The following OSBPL6 variants were observed in gnomAD, a reference collection of about 807,000 sequenced individuals.
OSBPL6 encodes the protein oxysterol binding protein like 6.
Under a neutral mutation model 125.8 loss-of-function variants are expected in OSBPL6, and 49 were observed. The ratio of observed to expected loss-of-function variants is 0.39; its 90% confidence interval spans 0.31 to 0.49. The LOEUF is 0.49. Ranked by LOEUF, OSBPL6 falls within the 20% of genes least tolerant of loss-of-function variation. The pLI, the probability that OSBPL6 is intolerant of heterozygous loss-of-function variation, is 0.88. For synonymous variants in OSBPL6, 394 were observed against 391.8 expected, an observed-to-expected ratio of 1.01 and a Z score of -0.07; for missense variants, 986 against 1,135.4, an observed-to-expected ratio of 0.87 and a Z score of 1.89.
At chr2:178,305,727 C>A (rs777439509) in intron 2 of OSBPL6, among the ~76,000 whole-genome samples, 6 of 152,056 alleles carry the variant, frequency 3.9e-5, no homozygotes, top group Non-Finnish European at 7.4e-5. Context: ...GAGAATCTGG[C>A]GTCTTTAGCA....
chr2:178,383,590 C>T (rs1249185079), intron 17 of OSBPL6, among the ~76,000 whole-genome samples: 1 of 152,164 alleles, frequency 6.6e-6, no homozygotes, highest in Non-Finnish European at 1.5e-5. Flanking sequence ...TCAGGATAGC[C>T]CATCTGTTCA....
chr2:178,290,535 GTGA>G (rs1685161686), intron 2 of OSBPL6, among the ~76,000 whole-genome samples: 1 of 148,062 alleles, frequency 6.8e-6, no homozygotes. Context: ...CCTATCATAT[GTGA>G]ATCACAGTGA....
At chr2:178,224,561 A>C (rs1009712458) in intron 1 of OSBPL6, among the ~76,000 whole-genome samples, 1 of 152,198 alleles carries the variant, frequency 6.6e-6, no homozygotes. Flanking sequence ...TCAGAATGAC[A>C]CCATTCAGAA....
chr2:178,332,546 G>A, intron 6 of OSBPL6, 95 bp from the exon 7 acceptor site: 2 of 872,162 alleles, frequency 2.3e-6, no homozygotes, highest in South Asian at 1.6e-5. Flanking sequence ...ACTTCCCATA[G>A]ATAAGTTAAA....
chr2:178,322,353 A>G (rs1344996382), intron 3 of OSBPL6, among the ~76,000 whole-genome samples: 1 of 152,200 alleles, frequency 6.6e-6, no homozygotes, highest in Non-Finnish European at 1.5e-5. Context: ...GAGATACCTG[A>G]CTGGAAGATT....
intron 1 of OSBPL6, among the ~76,000 whole-genome samples, chr2:178,222,372 C>T (rs566851754): frequency 2.8e-4 from 43 of 152,306 alleles, no homozygotes; most frequent in Middle Eastern, 3.4e-3. Context: ...CGGCTGGGCG[C>T]GGTGGCTCAC....
chr2:178,388,423 G>C (rs998126342), intron 20 of OSBPL6, among the ~76,000 whole-genome samples: 1 of 152,102 alleles, frequency 6.6e-6, no homozygotes, highest in South Asian at 2.1e-4. Flanking sequence ...TCCTTGGTAC[G>C]TCCCTGCAGG....
rs888257453 is a variant in OSBPL6 at position 178,254,297 on chromosome 2, G to A, written c.-350-30630G>A. Among the ~76,000 whole-genome samples the A allele has an allele frequency of 5.9e-5, 9 of 151,832 alleles. No individual in the cohort carries two copies. The South Asian group carries it at 8.3e-4, about 14-fold the overall frequency. ...AATCCCAGCTACTCAGGAGGCTGAG[G>A]CAGGAGAATCACTTGAACCCGAGAG... is the stretch of plus-strand genomic sequence containing the variant. On this transcript the variant is annotated intron_variant, in intron 1 of 24. Coordinates refer to ENST00000190611, the MANE Select transcript of OSBPL6 (RefSeq NM_032523.4).
chr2:178,283,591 A>AATTT (rs78945937), intron 1 of OSBPL6, among the ~76,000 whole-genome samples: 30,034 of 152,042 alleles, frequency 0.2, 3,208 homozygotes, highest in African/African-American at 0.26. Context: ...TCTTATGATG[A>AATTT]ATTTATTCTC....
At chr2:178,336,771 G>A (rs900725371) in intron 9 of OSBPL6, among the ~76,000 whole-genome samples, 2 of 152,062 alleles carry the variant, frequency 1.3e-5, no homozygotes, top group African/African-American at 4.8e-5. Flanking sequence ...CAGTCACACA[G>A]AGGAGTAACC....
chr2:178,282,994 G>A (rs1684359526), intron 1 of OSBPL6, among the ~76,000 whole-genome samples: 1 of 152,066 alleles, frequency 6.6e-6, no homozygotes, highest in South Asian at 2.1e-4. Context: ...TATTCCATCT[G>A]CCTGTAATTA....
chr2:178,344,399 A>T, intron 11 of OSBPL6: 2 of 1,593,782 alleles, frequency 1.3e-6, no homozygotes, highest in Non-Finnish European at 8.6e-7. Context: ...TTTAATAAGA[A>T]TGAGAACCTG....
intron 13 of OSBPL6, among the ~76,000 whole-genome samples, chr2:178,364,828 A>G (rs184557433): frequency 6.6e-6 from 1 of 152,288 alleles, no homozygotes; most frequent in Admixed American, 6.5e-5. Flanking sequence ...GACGAGTTGC[A>G]ATGCAGTCAG....
At chr2:178,286,339 C>A (rs533143881) in intron 2 of OSBPL6, among the ~76,000 whole-genome samples, 1 of 152,198 alleles carries the variant, frequency 6.6e-6, no homozygotes, top group African/African-American at 2.4e-5. Flanking sequence ...GCCTGGGACA[C>A]GTAGGCTTTT....
chr2:178,303,528 T>A (rs1048488317), intron 2 of OSBPL6, among the ~76,000 whole-genome samples: 71 of 152,340 alleles, frequency 4.7e-4, no homozygotes, highest in African/African-American at 1.7e-3. Context: ...CTGGCACATA[T>A]GAAATTTACA....
At chr2:178,314,769 GGT>G (rs1687589731) in intron 3 of OSBPL6, among the ~76,000 whole-genome samples, 4 of 152,112 alleles carry the variant, frequency 2.6e-5, no homozygotes, top group Admixed American at 6.5e-5. Context: ...TGGCCAAAGT[GGT>G]GAAATGTCTT....
intron 12 of OSBPL6, among the ~76,000 whole-genome samples, chr2:178,352,630 G>A (rs1691381960): frequency 6.6e-6 from 1 of 152,204 alleles, no homozygotes; most frequent in African/African-American, 2.4e-5. Context: ...AAGGCCTATT[G>A]CCTCTATAGA....
intron 1 of OSBPL6, among the ~76,000 whole-genome samples, chr2:178,223,978 A>G (rs2090447034): frequency 6.6e-6 from 1 of 152,208 alleles, no homozygotes; most frequent in African/African-American, 2.4e-5. Flanking sequence ...GACAATTTGG[A>G]TTGGTTGCCT....
At chr2:178,282,701 G>A (rs1233114013) in intron 1 of OSBPL6, among the ~76,000 whole-genome samples, 1 of 152,126 alleles carries the variant, frequency 6.6e-6, no homozygotes, top group Non-Finnish European at 1.5e-5. Context: ...GCCCAGGCTG[G>A]ACTGCAATGG....
Sources: gnomAD v4.1 joint callset for allele counts (sites outside exome capture counted in the v4.1 genomes callset) on GRCh38, gnomAD v4.1.1 for gene constraint, MANE v1.5 for transcripts, NCBI Gene and HGNC (gene_info 2026-07-23, HGNC 2026-07-21) for gene names.